Variants in GPX2 observed in about 807,000 individuals in gnomAD.
GPX2 encodes the protein gastrointestinal glutathione peroxidase.
Under a neutral mutation model 14.1 loss-of-function variants are expected in GPX2, and 21 were observed. That is an observed-to-expected ratio of 1.48 (90% confidence interval 1.05 to 2.14). The LOEUF (loss-of-function observed/expected upper bound fraction) is 2.14, where lower values mean the gene tolerates loss of function less well. Ranked by LOEUF, GPX2 falls within the 30% of genes most tolerant of loss-of-function variation. The pLI is 0.00. For synonymous variants in GPX2, 94 were observed against 95.2 expected (o/e 0.99, Z 0.07); for missense variants, 241 against 249.8 (o/e 0.96, Z 0.24).
Position 64,940,083 on chromosome 14 carries a change from A to ATT in GPX2, c.223-247_223-246dup, listed in dbSNP as rs199610896. 4,707 of 1,198,226 alleles carry ATT rather than the reference A, an allele frequency of 3.9e-3. No homozygotes were observed. The highest frequency in any genetic ancestry group is 0.035 in the East Asian group (967 of 27,388). The allele number at this position is 1,198,226 out of a possible 1,614,324, so 74.2% of individuals were successfully genotyped here. The stretch of plus-strand genomic sequence containing the variant: ...AGACACAGGCCACCATGCCCGGCTA[A>ATT]TTTTTTTTTTTTTTTGTAGAGATGG... On this transcript the variant is annotated intron_variant, in intron 1 of 1. Transcript: ENST00000389614. This position sits in a 1 kb window ranked among gnomAD's most constrained non-coding sequence, Gnocchi z 4.5.
chr14:64,939,957 A>G lies in GPX2; in HGVS notation c.223-119T>C, dbSNP rs897315648. 326 of 1,472,058 alleles carry G rather than the reference A, an allele frequency of 2.2e-4. No homozygotes were observed. Among genetic ancestry groups the G allele is most frequent in the Non-Finnish European group, 2.6e-4 (289 of 1,117,680 alleles). 91.2% of individuals were successfully genotyped at this position (1,472,058 alleles called of 1,614,324 possible). On this transcript the variant is annotated intron_variant, in intron 1 of 1. Transcript: ENST00000389614. The surrounding 1 kb of genome is among the most constrained non-coding windows in gnomAD (Gnocchi z 5.7). ...CCAGGGTCATTCTTTTTCACTGTGA[A>G]AGAGAGAGAGACAAGACAGACGAGG...
chr14:64,939,362 C>G lies in GPX2; in HGVS notation c.*126G>C. The G allele has an allele frequency of 1.3e-6, 1 of 752,672 alleles. No individual in the cohort carries two copies. Among genetic ancestry groups the G allele is most frequent in the Non-Finnish European group, 2.3e-6 (1 of 439,220 alleles). 46.6% of individuals were successfully genotyped at this position (752,672 alleles called of 1,614,324 possible). A position where few individuals can be genotyped will look rare whatever the true frequency, so the allele number is the denominator to read the frequency against. ...ACAGGCAGAGGGGAAAGGCAAGGCT[C>G]TGCAGTGAAGGGGACTGATATCAAG... On this transcript the variant is annotated 3_prime_UTR_variant, in exon 2 of 2. Transcript: ENST00000389614. This position sits in a 1 kb window ranked among gnomAD's most constrained non-coding sequence, Gnocchi z 5.7.
In GPX2 at chr14:64,939,865, T is replaced by G. The variant is rs1885527263; in HGVS notation, c.223-27A>C. ...TAGGGGAGGAAAAAGACAAAGTGCGTGGACAGTGGGTGGGGGAAGAGAAAG... is the reference window on the plus strand; with the variant it reads ...TAGGGGAGGAAAAAGACAAAGTGCGGGGACAGTGGGTGGGGGAAGAGAAAG... On this transcript the variant is annotated intron_variant, in intron 1 of 1. Transcript: ENST00000389614. The surrounding 1 kb of genome is among the most constrained non-coding windows in gnomAD (Gnocchi z 5.7). 4 of 1,606,940 alleles carry G rather than the reference T, an allele frequency of 2.5e-6. No homozygotes were observed. Among genetic ancestry groups the G allele is most frequent in the Non-Finnish European group, 3.4e-6 (4 of 1,175,378 alleles).
Position 64,940,651 on chromosome 14 carries a change from G to A in GPX2, c.223-813C>T, listed in dbSNP as rs1370619084. ...AAGTAAATAGGATACAGGATTTAGG[G>A]TTTGGCAATAGGCCAGGGGGAGGGG... On this transcript the variant is annotated intron_variant, in intron 1 of 1. Coordinates refer to ENST00000389614, the MANE Select transcript of GPX2 (RefSeq NM_002083.4). This position sits in a 1 kb window ranked among gnomAD's most constrained non-coding sequence, Gnocchi z 4.5. Among the ~76,000 whole-genome samples the A allele has an allele frequency of 6.6e-6, 1 of 152,188 alleles. No homozygotes were observed. The highest frequency in any genetic ancestry group is 2.4e-5 in the African/African-American group (1 of 41,444).
intron 1 of GPX2, chr14:64,941,313 C>T: frequency 8.9e-7 from 1 of 1,122,034 alleles, no homozygotes; most frequent in East Asian, 7.6e-5. Flanking sequence ...AGCAATCTGC[C>T]TACCTTAGCC....
rs1236406249 is a variant in GPX2 at position 64,939,618 on chromosome 14, G to C, written c.443C>G (p.Ser148Ter). The part of the protein sequence containing the change: ...KLIIWSPVRR[S>*]DVAWNFEKFL... ...CTTCTCAAAGTTCCAGGCCACATCT[G>C]AGCGGCGCACAGGGCTCCAAATGAT... Residue 148 changes from serine (S) to a stop codon, truncating the protein, a stop_gained, in exon 2 of 2, where the codon TCA becomes TGA. Transcript: ENST00000389614. LOFTEE classifies it high-confidence loss of function. The surrounding 1 kb of genome is among the most constrained non-coding windows in gnomAD (Gnocchi z 5.7). 2 of 1,614,192 alleles carry C rather than the reference G, an allele frequency of 1.2e-6. No individual in the cohort carries two copies. The highest frequency in any genetic ancestry group is 1.7e-6 in the Non-Finnish European group (2 of 1,180,032).
Position 64,942,503 on chromosome 14 carries a change from A to T in GPX2, c.222+2T>A, listed in dbSNP as rs879052748. The T allele has an allele frequency of 6.2e-7, 1 of 1,613,382 alleles. No individual in the cohort carries two copies. Among genetic ancestry groups the T allele is most frequent in the Non-Finnish European group, 8.5e-7 (1 of 1,179,468 alleles). On this transcript the variant is annotated splice_donor_variant, in intron 1 of 1. Transcript: ENST00000389614. LOFTEE classifies it high-confidence loss of function. Reference sequence around the variant, plus strand: ...GGTGCATTACAAGGAGGGACCCCTCACCTGATGTCCAAATTGGTTGCAAGG... The same window carrying T: ...GGTGCATTACAAGGAGGGACCCCTCTCCTGATGTCCAAATTGGTTGCAAGG...
chr14:64,942,413 C>T, intron 1 of GPX2, 92 bp downstream of exon 1: 1 of 994,112 alleles, frequency 1.0e-6, no homozygotes, highest in South Asian at 1.4e-5. Context: ...ATTCCAGACA[C>T]TCCAAAACAT....
In GPX2 at chr14:64,942,693, T is replaced by G. The variant is rs1236133058; in HGVS notation, c.34A>C (p.Ser12Arg). 2 of 1,614,048 alleles carry G rather than the reference T, an allele frequency of 1.2e-6. No individual in the cohort carries two copies. Among genetic ancestry groups the G allele is most frequent in the Non-Finnish European group, 1.7e-6 (2 of 1,179,988 alleles). ...AFIAKSFYDL[S>R]AISLDGEKVD... ...TTCTCCCCATCCAGGCTGATGGCACTGAGGTCATAGAAGGACTTGGCAATG... is the reference window on the plus strand; with the variant it reads ...TTCTCCCCATCCAGGCTGATGGCACGGAGGTCATAGAAGGACTTGGCAATG... The change falls in exon 1 of 2, where the codon AGT becomes CGT. Residue 12 changes from serine to arginine, a missense_variant. Ser to Arg is a moderately radical substitution (Grantham distance 110). Coordinates refer to ENST00000389614, the MANE Select transcript of GPX2 (RefSeq NM_002083.4).
rs760681698 is a variant in GPX2, at chr14:64,939,493, T to G, written c.568A>C (p.Ile190Leu). 2 of 1,613,130 alleles carry G rather than the reference T, an allele frequency of 1.2e-6. No homozygotes were observed. Among genetic ancestry groups the G allele is most frequent in the East Asian group, 2.2e-5 (1 of 44,870 alleles). Reference protein sequence around the residue: ...PDIKRLLKVAI With the variant: ...PDIKRLLKVAL ...GTGTGTTGAGCAGTTCACATCTATA[T>G]GGCAACTTTAAGGAGGCGCTTGATG... The change falls in exon 2 of 2, where the codon ATA becomes CTA. Residue 190 changes from isoleucine to leucine, a missense_variant. Transcript: ENST00000389614. The surrounding 1 kb of genome is among the most constrained non-coding windows in gnomAD (Gnocchi z 5.7).
At chr14:64,941,036 G>C (rs1885606117) in intron 1 of GPX2, among the ~76,000 whole-genome samples, 1 of 152,198 alleles carries the variant, frequency 6.6e-6, no homozygotes, top group African/African-American at 2.4e-5. Context: ...CATGAGCCCA[G>C]AGCTGATCTC....
rs967219376 is a variant in GPX2, at chr14:64,940,539, G to C, written c.223-701C>G. Among the ~76,000 whole-genome samples, 2 of 152,168 alleles carry C rather than the reference G, an allele frequency of 1.3e-5. No homozygotes were observed. The highest frequency in any genetic ancestry group is 2.9e-5 in the Non-Finnish European group (2 of 68,034). ...GAAGACCCCCATCCAAGAACATCTAGTTTTCAGGTGCCATAACAGCAGAGC... is the reference window on the plus strand; with the variant it reads ...GAAGACCCCCATCCAAGAACATCTACTTTTCAGGTGCCATAACAGCAGAGC... On this transcript the variant is annotated intron_variant, in intron 1 of 1. Coordinates refer to ENST00000389614, the MANE Select transcript of GPX2 (RefSeq NM_002083.4). The surrounding 1 kb of genome is among the most constrained non-coding windows in gnomAD (Gnocchi z 4.5).
Position 64,939,652 on chromosome 14 carries a change from G to C in GPX2, c.409C>G (p.Pro137Ala), listed in dbSNP as rs565763403. Residue 137 changes from proline to alanine, a missense_variant, in exon 2 of 2, where the codon CCC becomes GCC. Transcript: ENST00000389614. The surrounding 1 kb of genome is among the most constrained non-coding windows in gnomAD (Gnocchi z 5.7). ...YDDPFSLMTD[P>A]KLIIWSPVRR... ...ACAGGGCTCCAAATGATGAGCTTGG[G>C]ATCGGTCATGAGGGAAAATGGGTCA... 2 of 1,614,200 alleles carry C rather than the reference G, an allele frequency of 1.2e-6. No homozygotes were observed. Among genetic ancestry groups the C allele is most frequent in the African/African-American group, 2.7e-5 (2 of 75,040 alleles).
rs1161173358 is a variant in GPX2, at chr14:64,939,803, G to C, written c.258C>G (p.Leu86=). Residue 86 remains leucine, a synonymous_variant, in exon 2 of 2, where the codon CTC becomes CTG. Coordinates refer to ENST00000389614, the MANE Select transcript of GPX2 (RefSeq NM_002083.4). This position sits in a 1 kb window ranked among gnomAD's most constrained non-coding sequence, Gnocchi z 5.7. ...NCQNEEILNS[L]KYVRPGGGYQ... is the part of the protein sequence containing the mutation. ...ATCCACCCCCAGGACGGACATACTT[G>C]AGACTGTTCAGGATCTCCTCATTCT... The C allele has an allele frequency of 5.0e-6, 8 of 1,614,164 alleles. No homozygotes were observed. Among genetic ancestry groups the C allele is most frequent in the Non-Finnish European group, 6.8e-6 (8 of 1,180,022 alleles).
rs1885603017 is a variant in GPX2 at position 64,940,987 on chromosome 14, G to A, written c.223-1149C>T. Among the ~76,000 whole-genome samples, 1 of 152,190 alleles carries A rather than the reference G, an allele frequency of 6.6e-6. No homozygotes were observed. Among genetic ancestry groups the A allele is most frequent in the East Asian group, 1.9e-4 (1 of 5,202 alleles). Reference sequence around the variant, plus strand: ...GAAAGTTCCTGCTTCTGACCTGTGAGAACTAACTAGTTCAGTCAGTTCCAG... The same window carrying A: ...GAAAGTTCCTGCTTCTGACCTGTGAAAACTAACTAGTTCAGTCAGTTCCAG... On this transcript the variant is annotated intron_variant, in intron 1 of 1. Transcript: ENST00000389614. The surrounding 1 kb of genome is among the most constrained non-coding windows in gnomAD (Gnocchi z 4.5).
rs753435037 is a variant in GPX2, at chr14:64,939,804, A to G, written c.257T>C (p.Leu86Pro). ...NCQNEEILNS[L>P]KYVRPGGGYQ... ...TCCACCCCCAGGACGGACATACTTG[A>G]GACTGTTCAGGATCTCCTCATTCTG... The change falls in exon 2 of 2, where the codon CTC becomes CCC. Residue 86 changes from leucine (L) to proline (P), a missense_variant. Physicochemically the swap from Leu to Pro is moderately conservative, Grantham distance 98. Transcript: ENST00000389614. The surrounding 1 kb of genome is among the most constrained non-coding windows in gnomAD (Gnocchi z 5.7). 4 of 1,614,184 alleles carry G rather than the reference A, an allele frequency of 2.5e-6. No individual in the cohort carries two copies. The East Asian group carries it at 6.7e-5, about 27-fold the overall frequency.
intron 1 of GPX2, chr14:64,941,440 G>C: frequency 7.8e-7 from 1 of 1,288,432 alleles, no homozygotes; most frequent in Non-Finnish European, 1.0e-6. Flanking sequence ...CAACTTGCTA[G>C]GCTGAAGAGA....
Position 64,939,638 on chromosome 14 carries a change from A to G in GPX2, c.423T>C (p.Ile141=), listed in dbSNP as rs981257622. 1.2e-6 allele frequency: 2 copies of G among 1,614,038 alleles called. No homozygotes were observed. The highest frequency in any genetic ancestry group is 2.7e-5 in the African/African-American group (2 of 74,912). ...FSLMTDPKLI[I]WSPVRRSDVA... ...CATCTGAGCGGCGCACAGGGCTCCA[A>G]ATGATGAGCTTGGGATCGGTCATGA... Residue 141 remains isoleucine, a synonymous_variant, in exon 2 of 2, where the codon ATT becomes ATC. Coordinates refer to ENST00000389614, the MANE Select transcript of GPX2 (RefSeq NM_002083.4). The surrounding 1 kb of genome is among the most constrained non-coding windows in gnomAD (Gnocchi z 5.7).
Position 64,940,010 on chromosome 14 carries a change from G to A in GPX2, c.223-172C>T, listed in dbSNP as rs758138523. On this transcript the variant is annotated intron_variant, in intron 1 of 1. Transcript: ENST00000389614. The surrounding 1 kb of genome is among the most constrained non-coding windows in gnomAD (Gnocchi z 4.5). ...TTGCTCACTGCAGCCTTGAACTTCT[G>A]GGCTCAAGCATTCCTCCTGCTTCAG... 157 of 1,474,304 alleles carry A rather than the reference G, an allele frequency of 1.1e-4. No homozygotes were observed. Among genetic ancestry groups the A allele is most frequent in the Non-Finnish European group, 1.4e-4 (153 of 1,121,988 alleles). 91.3% of individuals were successfully genotyped at this position (1,474,304 alleles called of 1,614,324 possible). A position where few individuals can be genotyped will look rare whatever the true frequency, so the allele number is the denominator to read the frequency against.
Sources: allele counts gnomAD v4.1 joint callset (sites outside exome capture counted in the v4.1 genomes callset), GRCh38; gene constraint gnomAD v4.1.1; non-coding constraint Gnocchi (gnomAD v3.1); transcripts MANE v1.5; gene names NCBI Gene and HGNC (gene_info 2026-07-23, HGNC 2026-07-21).